ADAM32: variants seen among roughly 807,000 people sequenced by gnomAD.
ADAM32 encodes disintegrin and metalloproteinase domain-containing protein 32.
ADAM32 carries 89 observed loss-of-function variants against 114.9 expected under a neutral mutation model. That is an observed-to-expected ratio of 0.77 (90% confidence interval 0.65 to 0.92). The LOEUF is 0.92. Ranked by LOEUF, ADAM32 falls within the 40% of genes least tolerant of loss-of-function variation. The pLI is 0.00. For synonymous variants in ADAM32, 285 were observed against 307.5 expected (o/e 0.93, Z 0.77); for missense variants, 870 against 932.8 (o/e 0.93, Z 0.88).
At chr8:39,220,229 G>A (rs763243356) in intron 12 of ADAM32, among the ~76,000 whole-genome samples, 7 of 152,044 alleles carry the variant, frequency 4.6e-5, no homozygotes, top group Non-Finnish European at 1.0e-4. Flanking sequence ...TTGGTCCAAA[G>A]TTTGTGTTAT....
At chr8:39,135,506 C>T (rs1385738411) in intron 2 of ADAM32, among the ~76,000 whole-genome samples, 1 of 152,118 alleles carries the variant, frequency 6.6e-6, no homozygotes, top group Non-Finnish European at 1.5e-5. Context: ...TATATAGCCA[C>T]ATGAATACAT....
intron 23 of ADAM32, among the ~76,000 whole-genome samples, chr8:39,282,784 A>G (rs1229096165): frequency 6.6e-6 from 1 of 152,150 alleles, no homozygotes; most frequent in Non-Finnish European, 1.5e-5. Flanking sequence ...TAAGCCAGAA[A>G]TCTAATGGGT....
chr8:39,171,463 GCT>G (rs1434779975), intron 10 of ADAM32, among the ~76,000 whole-genome samples: 4 of 152,020 alleles, frequency 2.6e-5, no homozygotes, highest in African/African-American at 7.2e-5. Flanking sequence ...TGTTACTGTA[GCT>G]CTCTCTATAT....
At chr8:39,157,639 G>A (rs1206895381) in intron 6 of ADAM32, 2 of 614,576 alleles carry the variant, frequency 3.3e-6, no homozygotes, top group East Asian at 7.4e-5. Context: ...TAAAGGTAGT[G>A]TCAATGAACT....
At position 39,163,778 on chromosome 8, in the gene ADAM32, A is replaced by C. The variant is rs111511702; in HGVS notation, c.595-986A>C. Among the ~76,000 whole-genome samples, 4 of 152,308 alleles carry C rather than the reference A, an allele frequency of 2.6e-5. 1 individual carries two copies. Among genetic ancestry groups the C allele is most frequent in the African/African-American group, 9.6e-5 (4 of 41,562 alleles). Reference sequence around the variant, plus strand: ...CCATTCACTAAAGTAGTGAAAATATAAGTAGGAAGAGATTTTTGAAGGAAG... The same window carrying C: ...CCATTCACTAAAGTAGTGAAAATATCAGTAGGAAGAGATTTTTGAAGGAAG... On this transcript the variant is annotated intron_variant, in intron 7 of 24. Transcript: ENST00000379907.
In ADAM32 at chr8:39,188,270, T is replaced by C. The variant is rs147699067; in HGVS notation, c.1052+1225T>C. ...AAAGGAATGTGTGTATATATGTACA[T>C]ATACACACACAAACACACATAATCA... On this transcript the variant is annotated intron_variant, in intron 11 of 24. Transcript: ENST00000379907. 1.2e-3 allele frequency among the ~76,000 whole-genome samples: 187 copies of C among 152,226 alleles called. 1 individual carries two copies. Among genetic ancestry groups the C allele is most frequent in the African/African-American group, 4.0e-3 (167 of 41,544 alleles).
intron 9 of ADAM32, chr8:39,166,954 T>C (rs1414572281): frequency 3.9e-5 from 6 of 152,214 alleles, no homozygotes; most frequent in Non-Finnish European, 8.8e-5. Flanking sequence ...GTCAGATGTA[T>C]AGATTGTGAA....
chr8:39,179,796 C>A (rs371682496), intron 10 of ADAM32, among the ~76,000 whole-genome samples: 2 of 152,222 alleles, frequency 1.3e-5, no homozygotes, highest in Non-Finnish European at 2.9e-5. Context: ...AGTGTAAGAA[C>A]CTGGATACCT....
At chr8:39,207,761 T>C (rs1171973172) in intron 11 of ADAM32, among the ~76,000 whole-genome samples, 1 of 152,172 alleles carries the variant, frequency 6.6e-6, no homozygotes, top group Non-Finnish European at 1.5e-5. Flanking sequence ...TCTATTTTTA[T>C]GAAATCAACT....
At chr8:39,132,031 T>A in intron 2 of ADAM32, 1 of 282,450 alleles carries the variant, frequency 3.5e-6, no homozygotes, top group Non-Finnish European at 7.4e-6. Context: ...GTAGTTGGGA[T>A]TACAGGCATG....
At chr8:39,113,866 T>C (rs572599900) in intron 1 of ADAM32, among the ~76,000 whole-genome samples, 1 of 152,296 alleles carries the variant, frequency 6.6e-6, no homozygotes, top group Admixed American at 6.5e-5. Flanking sequence ...GTATTATTGT[T>C]CTTGTCAGAT....
At chr8:39,224,893 G>A (rs564974029) in intron 14 of ADAM32, among the ~76,000 whole-genome samples, 14 of 152,156 alleles carry the variant, frequency 9.2e-5, no homozygotes, top group African/African-American at 3.4e-4. Flanking sequence ...TGTAAAGAAG[G>A]ATTGCTGATT....
intron 15 of ADAM32, among the ~76,000 whole-genome samples, chr8:39,232,601 C>T (rs1399944210): frequency 6.6e-6 from 1 of 152,166 alleles, no homozygotes; most frequent in Non-Finnish European, 1.5e-5. Context: ...GCAAATCATA[C>T]TCATACACTC....
intron 2 of ADAM32, among the ~76,000 whole-genome samples, 180 bp downstream of exon 2, chr8:39,118,345 T>A (rs1219961970): frequency 6.6e-6 from 1 of 152,156 alleles, no homozygotes; most frequent in Non-Finnish European, 1.5e-5. Context: ...TCTGTATTTT[T>A]TTAATGTTTG....
Position 39,232,017 on chromosome 8 carries a change from A to G in ADAM32, c.1526-10A>G, listed in dbSNP as rs865997164. The G allele has an allele frequency of 6.3e-7, 1 of 1,592,158 alleles. No homozygotes were observed. The highest frequency in any genetic ancestry group is 1.7e-5 in the Admixed American group (1 of 58,228). ...ACATTTTAATCCAAATGTATTTCTA[A>G]CTTTAACAGGTTCAAGAAATGCTCC... On this transcript the variant is annotated splice_polypyrimidine_tract_variant and intron_variant, in intron 14 of 24. Transcript: ENST00000379907.
chr8:39,176,064 T>G (rs1263590683), intron 10 of ADAM32, among the ~76,000 whole-genome samples: 1 of 152,146 alleles, frequency 6.6e-6, no homozygotes, highest in Non-Finnish European at 1.5e-5. Context: ...TCTATTTGAT[T>G]CTTCTCTCTT....
At chr8:39,262,746 C>T (rs1004724419) in intron 19 of ADAM32, among the ~76,000 whole-genome samples, 20 of 151,786 alleles carry the variant, frequency 1.3e-4, no homozygotes, top group African/African-American at 3.1e-4. Flanking sequence ...CTTGCTCTGT[C>T]GCCCAGGCTG....
chr8:39,187,495 T>A (rs1806323016), intron 11 of ADAM32, among the ~76,000 whole-genome samples: 1 of 152,118 alleles, frequency 6.6e-6, no homozygotes, highest in Non-Finnish European at 1.5e-5. Flanking sequence ...ATGGTCTCGA[T>A]CTCCTGACCT....
chr8:39,249,106 G>A (rs1375634011), intron 17 of ADAM32, among the ~76,000 whole-genome samples: 1 of 151,692 alleles, frequency 6.6e-6, no homozygotes, highest in Non-Finnish European at 1.5e-5. Context: ...GGGTTTCATC[G>A]TGTTAGCCAG....
Sources: allele counts gnomAD v4.1 joint callset (sites outside exome capture counted in the v4.1 genomes callset), GRCh38; gene constraint gnomAD v4.1.1; transcripts MANE v1.5; gene names NCBI Gene and HGNC (gene_info 2026-07-23, HGNC 2026-07-21).